The following RUNX1 variants were observed in gnomAD, a reference collection of about 807,000 sequenced individuals.
RUNX1 encodes the protein runt-related transcription factor 1.
Under a neutral mutation model 42.8 loss-of-function variants are expected in RUNX1, and 19 were observed. That is an observed-to-expected ratio of 0.44 (90% CI 0.31 to 0.65). The LOEUF is 0.65. Ranked by LOEUF, RUNX1 falls within the 30% of genes least tolerant of loss-of-function variation. RUNX1 has a pLI of 0.07. For synonymous variants in RUNX1, 271 were observed against 289.4 expected (o/e 0.94, Z 0.64); for missense variants, 528 against 672.0 (o/e 0.79, Z 2.37).
At chr21:34,947,858 G>A (rs1309126588) in intron 2 of RUNX1, among the ~76,000 whole-genome samples, 2 of 152,160 alleles carry the variant, frequency 1.3e-5, no homozygotes, top group Admixed American at 6.5e-5. Context: ...TCTGGACAAC[G>A]TGGGATGTTG....
intron 3 of RUNX1, among the ~76,000 whole-genome samples, chr21:34,889,396 C>A (rs964971123): frequency 6.6e-6 from 1 of 151,778 alleles, no homozygotes; most frequent in Admixed American, 6.5e-5. Flanking sequence ...TGTTTTTTAC[C>A]GCTGCGCCCG....
chr21:34,879,897 T>C (rs1473342655), intron 5 of RUNX1, among the ~76,000 whole-genome samples: 3 of 152,176 alleles, frequency 2.0e-5, no homozygotes, highest in African/African-American at 7.2e-5. Context: ...GCTGAAGTAA[T>C]GCAACAATTT....
At chr21:34,969,644 G>A (rs1028388455) in intron 2 of RUNX1, among the ~76,000 whole-genome samples, 4 of 151,712 alleles carry the variant, frequency 2.6e-5, no homozygotes, top group South Asian at 2.1e-4. Context: ...CCAGGAACAC[G>A]GACCCATGCC....
intron 6 of RUNX1, among the ~76,000 whole-genome samples, chr21:34,855,272 T>C (rs1337106536): frequency 1.3e-5 from 2 of 152,150 alleles, no homozygotes; most frequent in South Asian, 2.1e-4. Context: ...AATTCCTGCA[T>C]TGAAATTATT....
rs1198620788 is a variant in RUNX1, at chr21:34,791,986, G to C, written c.*149C>G. 4.3e-6 allele frequency: 2 copies of C among 468,992 alleles called. No homozygotes were observed. The highest frequency in any genetic ancestry group is 4.6e-5 in the South Asian group (2 of 43,196). The allele number at this position is 468,992 out of a possible 1,614,324, so 29.1% of individuals were successfully genotyped here. A position where few individuals can be genotyped will look rare whatever the true frequency, so the allele number is the denominator to read the frequency against. The stretch of plus-strand genomic sequence containing the variant: ...AGGCTGCGCGGGCCTGACCTACAGC[G>C]AGATCCTGGCCGTCGGGCGCCCTCG... On this transcript the variant is annotated 3_prime_UTR_variant, in exon 9 of 9. Transcript: ENST00000675419.
At chr21:35,033,550 A>G (rs2059287699) in intron 2 of RUNX1, among the ~76,000 whole-genome samples, 1 of 152,202 alleles carries the variant, frequency 6.6e-6, no homozygotes, top group African/African-American at 2.4e-5. Context: ...TAACCTGTGC[A>G]ATGACTTCTC....
At chr21:34,804,309 A>G (rs1447776560) in intron 7 of RUNX1, among the ~76,000 whole-genome samples, 1 of 152,180 alleles carries the variant, frequency 6.6e-6, no homozygotes, top group African/African-American at 2.4e-5. Context: ...GATCCAATAT[A>G]TTATTATAAC....
chr21:34,848,714 C>A (rs1001826415), intron 6 of RUNX1, among the ~76,000 whole-genome samples: 6 of 152,174 alleles, frequency 3.9e-5, no homozygotes, highest in African/African-American at 1.2e-4. Flanking sequence ...GGATTACAGG[C>A]GTGAGCTACC....
chr21:34,938,578 CCTT>C (rs374860305), intron 2 of RUNX1, among the ~76,000 whole-genome samples: 1 of 151,994 alleles, frequency 6.6e-6, no homozygotes. Flanking sequence ...TCCTCTTCCT[CCTT>C]CTTTTATTCT....
At chr21:34,802,633 T>C (rs1351449858) in intron 7 of RUNX1, among the ~76,000 whole-genome samples, 1 of 152,234 alleles carries the variant, frequency 6.6e-6, no homozygotes, top group African/African-American at 2.4e-5. Context: ...GCCCAAGGGC[T>C]GTATCTGGGC....
intron 2 of RUNX1, among the ~76,000 whole-genome samples, chr21:34,961,393 TAAC>T (rs976462221): frequency 6.6e-6 from 1 of 151,700 alleles, no homozygotes; most frequent in Non-Finnish European, 1.5e-5. Flanking sequence ...ATAATAATAA[TAAC>T]AATAACAGAA....
At chr21:34,880,931 G>A (rs2057895685) in intron 4 of RUNX1, among the ~76,000 whole-genome samples, 1 of 152,176 alleles carries the variant, frequency 6.6e-6, no homozygotes, top group Non-Finnish European at 1.5e-5. Flanking sequence ...AGTAATTGCA[G>A]TGTTTGCAAT....
intron 2 of RUNX1, among the ~76,000 whole-genome samples, chr21:34,939,559 G>C (rs1435224184): frequency 6.6e-6 from 1 of 152,196 alleles, no homozygotes; most frequent in Non-Finnish European, 1.5e-5. Context: ...GGGCCCTCTA[G>C]TCTCAGTCTT....
At chr21:34,956,426 T>A (rs1489491481) in intron 2 of RUNX1, among the ~76,000 whole-genome samples, 1 of 152,162 alleles carries the variant, frequency 6.6e-6, no homozygotes, top group Non-Finnish European at 1.5e-5. Context: ...AGTCATTTTT[T>A]TGTTGAAGTT....
intron 2 of RUNX1, among the ~76,000 whole-genome samples, chr21:34,918,854 T>C (rs969074856): frequency 6.6e-6 from 1 of 152,170 alleles, no homozygotes; most frequent in African/African-American, 2.4e-5. Context: ...TGCAGTGAGC[T>C]GAGATCATGC....
At chr21:34,799,746 G>A (rs1180857942) in intron 7 of RUNX1, among the ~76,000 whole-genome samples, 1 of 152,120 alleles carries the variant, frequency 6.6e-6, no homozygotes, top group Non-Finnish European at 1.5e-5. Context: ...CACTTTCAAG[G>A]TAGAAGTATT....
intron 6 of RUNX1, among the ~76,000 whole-genome samples, chr21:34,848,106 A>G (rs2057343205): frequency 6.6e-6 from 1 of 152,214 alleles, no homozygotes; most frequent in Non-Finnish European, 1.5e-5. Flanking sequence ...GCACGGTGCT[A>G]TGCCCTAACA....
chr21:34,798,156 G>A (rs2056556899), intron 8 of RUNX1: 22 of 456,362 alleles, frequency 4.8e-5, no homozygotes, highest in South Asian at 3.4e-4. Flanking sequence ...CCCTGTGCCT[G>A]CCCCCTAATC....
Position 34,788,563 on chromosome 21 carries a change from GAAA to G in RUNX1, c.*3569_*3571del, listed in dbSNP as rs2056397573. On this transcript the variant is annotated 3_prime_UTR_variant, in exon 9 of 9. Coordinates refer to ENST00000675419, the MANE Select transcript of RUNX1 (RefSeq NM_001754.5). ...CCTTAGAAACACACACAAAAAAATT[GAAA>G]AAAAGTTATAGGCATTAACAATATT... is the stretch of plus-strand genomic sequence containing the variant. 3 of 232,642 alleles carry G rather than the reference GAAA, an allele frequency of 1.3e-5. No homozygotes were observed. The highest frequency in any genetic ancestry group is 2.5e-5 in the Non-Finnish European group (3 of 117,654). The allele number at this position is 232,642 out of a possible 1,614,324, so 14.4% of individuals were successfully genotyped here. A position where few individuals can be genotyped will look rare whatever the true frequency, so the allele number is the denominator to read the frequency against.
Sources: allele counts gnomAD v4.1 joint callset (sites outside exome capture counted in the v4.1 genomes callset), GRCh38; gene constraint gnomAD v4.1.1; transcripts MANE v1.5; gene names NCBI Gene and HGNC (gene_info 2026-07-23, HGNC 2026-07-21).